Variants in ANK3 observed in about 807,000 individuals in gnomAD.
ANK3 encodes ankyrin 3.
A neutral mutation model predicts 370.9 loss-of-function variants in ANK3; 57 were observed. The observed-to-expected ratio is 0.15, with a 90% CI of 0.12 to 0.19. The LOEUF (loss-of-function observed/expected upper bound fraction) is 0.19, where lower values mean the gene tolerates loss of function less well. ANK3 is among the 10% of genes least tolerant of loss of function. ANK3 has a pLI of 1.00. For synonymous variants in ANK3, 1,929 were observed against 1,946.3 expected (o/e 0.99, Z 0.23); for missense variants, 4,439 against 5,302.1 (o/e 0.84, Z 5.06).
At chr10:60,602,381 T>C (rs1348531891) in intron 2 of ANK3, among the ~76,000 whole-genome samples, 1 of 152,124 alleles carries the variant, frequency 6.6e-6, no homozygotes, top group South Asian at 2.1e-4. Flanking sequence ...TTTACCATTC[T>C]ATTGATAACT....
At chr10:60,177,499 A>T (rs1269594161) in intron 18 of ANK3, among the ~76,000 whole-genome samples, 1 of 150,546 alleles carries the variant, frequency 6.6e-6, no homozygotes, top group Non-Finnish European at 1.5e-5. Flanking sequence ...ATTGAATGGT[A>T]CTTGTGATCA....
intron 1 of ANK3, among the ~76,000 whole-genome samples, chr10:60,373,741 C>T (rs774365573): frequency 6.6e-6 from 1 of 152,108 alleles, no homozygotes; most frequent in Non-Finnish European, 1.5e-5. Flanking sequence ...TACAATTTGC[C>T]CCACCACACT....
chr10:60,384,155 A>C (rs2061935251), intron 1 of ANK3, among the ~76,000 whole-genome samples: 2 of 152,210 alleles, frequency 1.3e-5, no homozygotes, highest in Admixed American at 1.3e-4. Context: ...TAGGGAAGAA[A>C]AAAGAATAAC....
At chr10:60,592,796 C>A (rs1440588336) in intron 2 of ANK3, among the ~76,000 whole-genome samples, 2 of 152,118 alleles carry the variant, frequency 1.3e-5, no homozygotes, top group Admixed American at 6.6e-5. Flanking sequence ...GACTGAATTA[C>A]TTCAAGACAG....
chr10:60,246,964 AC>A (rs1223818490), intron 7 of ANK3, among the ~76,000 whole-genome samples: 2 of 152,040 alleles, frequency 1.3e-5, no homozygotes, highest in East Asian at 3.9e-4. Flanking sequence ...ATTCTCTTCC[AC>A]CTTTGCATGA....
At chr10:60,393,092 G>A (rs951837456), upstream of ANK3, among the ~76,000 whole-genome samples, 2 of 152,228 alleles carry the variant, frequency 1.3e-5, no homozygotes, top group African/African-American at 4.8e-5. Flanking sequence ...AGTACAGAGA[G>A]ATCTTTCAAA....
In ANK3 at chr10:60,186,351, T is replaced by C. The variant is rs74156430; in HGVS notation, c.2085+364A>G. Among the ~76,000 whole-genome samples, 260 of 58,224 alleles carry C rather than the reference T, an allele frequency of 4.5e-3. 1 individual carries two copies. Among genetic ancestry groups the C allele is most frequent in the African/African-American group, 0.018 (240 of 13,590 alleles). The allele number at this position is 58,224 out of a possible 152,430, so 38.2% of individuals were successfully genotyped here. ...TATTTACCATTATCTTTCTGTCTTT[T>C]TTTTTTTTTTTTTTAAAGAGACAGG... On this transcript the variant is annotated intron_variant, in intron 17 of 43. Coordinates refer to ENST00000280772, the MANE Select transcript of ANK3 (RefSeq NM_020987.5).
intron 1 of ANK3, among the ~76,000 whole-genome samples, chr10:60,637,670 T>A (rs945959452): frequency 2.0e-5 from 3 of 152,106 alleles, no homozygotes; most frequent in Admixed American, 1.3e-4. Context: ...ATTAAATAAA[T>A]CATGGAGCCT....
At chr10:60,682,793 C>A (rs115178604) in intron 1 of ANK3, among the ~76,000 whole-genome samples, 6,095 of 152,274 alleles carry the variant, frequency 0.04, 160 homozygotes, top group Middle Eastern at 0.071. Context: ...ATACCTGGCC[C>A]TATGCATGTT....
chr10:60,701,085 G>A (rs2079539446), intron 1 of ANK3, among the ~76,000 whole-genome samples: 1 of 151,836 alleles, frequency 6.6e-6, no homozygotes, highest in South Asian at 2.1e-4. Context: ...AAAAGATATT[G>A]TTTAAAATGG....
chr10:60,650,077 T>C (rs192258527), intron 1 of ANK3, among the ~76,000 whole-genome samples: 7 of 152,330 alleles, frequency 4.6e-5, no homozygotes. Flanking sequence ...GCAAAAAATA[T>C]GCACTGATGT....
chr10:60,036,422 ATTTTTTTTTTTTTTTTTTTT>A (rs563946588), intron 43 of ANK3, among the ~76,000 whole-genome samples: 13 of 72,312 alleles, frequency 1.8e-4, no homozygotes, highest in Non-Finnish European at 2.0e-4. Context: ...GTCAGAGGCA[ATTTTTTTTTTTTTTTTTTTT>A]TTTTTTTTTT....
At chr10:60,130,589 A>G (rs2094008000) in intron 25 of ANK3, among the ~76,000 whole-genome samples, 1 of 152,214 alleles carries the variant, frequency 6.6e-6, no homozygotes, top group Non-Finnish European at 1.5e-5. Flanking sequence ...GAAGAGCTAT[A>G]TTTTGAACAT....
intron 8 of ANK3, among the ~76,000 whole-genome samples, chr10:60,219,245 A>T (rs917151460): frequency 1.3e-5 from 2 of 151,860 alleles, no homozygotes; most frequent in African/African-American, 4.8e-5. Context: ...AGCTCAGTGT[A>T]GTTTTTTATT....
chr10:60,395,168 G>C (rs199869719), intron 2 of ANK3, among the ~76,000 whole-genome samples: 1 of 152,110 alleles, frequency 6.6e-6, no homozygotes. Flanking sequence ...ATAACATACA[G>C]ATCAAATATT....
intron 2 of ANK3, among the ~76,000 whole-genome samples, chr10:60,566,014 CT>C (rs1454839053): frequency 6.6e-6 from 1 of 152,206 alleles, no homozygotes; most frequent in Admixed American, 6.5e-5. Flanking sequence ...ACACCATGTG[CT>C]CACTTTGTGT....
chr10:60,176,789 AAAAC>A (rs1031849672), intron 18 of ANK3, among the ~76,000 whole-genome samples: 4 of 152,086 alleles, frequency 2.6e-5, no homozygotes, highest in East Asian at 1.9e-4. Flanking sequence ...AAAATAAACA[AAAAC>A]AAACAAACAA....
intron 7 of ANK3, among the ~76,000 whole-genome samples, chr10:60,237,332 C>T (rs2132545883): frequency 6.6e-6 from 1 of 152,254 alleles, no homozygotes; most frequent in East Asian, 1.9e-4. Context: ...GAAACACCGA[C>T]CAATAGGAGA....
chr10:60,064,432 C>T lies in ANK3; in HGVS notation c.12320-144G>A, dbSNP rs892093047. On this transcript the variant is annotated intron_variant, in intron 38 of 43. Coordinates refer to ENST00000280772, the MANE Select transcript of ANK3 (RefSeq NM_020987.5). ...AGCCTCAGGAATTAATTTTTATATA[C>T]TTGGCTTCATAGCAAAGTAGTGACC... The T allele has an allele frequency of 6.0e-6, 5 of 837,968 alleles. No homozygotes were observed. In the African/African-American group the frequency reaches 9.0e-5, roughly 15 times the overall value. The allele number at this position is 837,968 out of a possible 1,614,324, so 51.9% of individuals were successfully genotyped here. A position where few individuals can be genotyped will look rare whatever the true frequency, so the allele number is the denominator to read the frequency against.
Sources: allele counts gnomAD v4.1 joint callset (sites outside exome capture counted in the v4.1 genomes callset), GRCh38; gene constraint gnomAD v4.1.1; transcripts MANE v1.5; gene names NCBI Gene and HGNC (gene_info 2026-07-23, HGNC 2026-07-21).